Variants in SLC24A3 observed in about 807,000 individuals in gnomAD.
SLC24A3 encodes sodium/potassium/calcium exchanger 3.
In SLC24A3, 28 loss-of-function variants were observed where a neutral mutation model predicts 75.8. That is an observed-to-expected ratio of 0.37 (90% CI 0.27 to 0.51). The LOEUF (loss-of-function observed/expected upper bound fraction) is 0.51, where lower values mean the gene tolerates loss of function less well. SLC24A3 is among the 20% of genes least tolerant of loss of function. The pLI, the probability that SLC24A3 is intolerant of heterozygous loss-of-function variation, is 0.94. For missense variants in SLC24A3, 663 were observed against 847.8 expected (o/e 0.78, Z 2.71); for synonymous variants, 372 against 334.1 (o/e 1.11, Z -1.24).
intron 10 of SLC24A3, among the ~76,000 whole-genome samples, chr20:19,682,973 A>G (rs1427668106): frequency 1.3e-5 from 2 of 152,144 alleles, no homozygotes; most frequent in African/African-American, 4.8e-5. Flanking sequence ...TAATTTTTTA[A>G]ACTTTTCTCT....
At chr20:19,301,764 C>T (rs1442536299) in intron 2 of SLC24A3, among the ~76,000 whole-genome samples, 1 of 152,152 alleles carries the variant, frequency 6.6e-6, no homozygotes, top group Non-Finnish European at 1.5e-5. Flanking sequence ...CATCTCCCTT[C>T]TAGTTACCTT....
At chr20:19,399,074 G>T (rs1233258993) in intron 2 of SLC24A3, among the ~76,000 whole-genome samples, 1 of 152,058 alleles carries the variant, frequency 6.6e-6, no homozygotes, top group Non-Finnish European at 1.5e-5. Flanking sequence ...ATTGACATAA[G>T]GTTGTTGAAA....
chr20:19,293,788 T>C (rs1436621513), intron 2 of SLC24A3, among the ~76,000 whole-genome samples: 2 of 152,152 alleles, frequency 1.3e-5, no homozygotes, highest in Non-Finnish European at 2.9e-5. Flanking sequence ...ATAGAATTAC[T>C]GTCCCATCAA....
chr20:19,416,618 T>C (rs1986831888), intron 2 of SLC24A3, among the ~76,000 whole-genome samples: 1 of 152,144 alleles, frequency 6.6e-6, no homozygotes, highest in South Asian at 2.1e-4. Flanking sequence ...TTGTTTGGAG[T>C]AAATTGATAT....
At chr20:19,439,434 G>T (rs1380257533) in intron 2 of SLC24A3, among the ~76,000 whole-genome samples, 1 of 151,916 alleles carries the variant, frequency 6.6e-6, no homozygotes, top group African/African-American at 2.4e-5. Context: ...GCCCTTCCTC[G>T]CCAAAAAACA....
At chr20:19,452,696 A>G (rs2122484378) in intron 2 of SLC24A3, among the ~76,000 whole-genome samples, 1 of 152,094 alleles carries the variant, frequency 6.6e-6, no homozygotes, top group Middle Eastern at 3.4e-3. Context: ...GTATATTAGC[A>G]ACTGATTGAA....
intron 3 of SLC24A3, among the ~76,000 whole-genome samples, chr20:19,525,762 C>T (rs1600266094): frequency 2.0e-5 from 3 of 152,144 alleles, no homozygotes; most frequent in African/African-American, 4.8e-5. Flanking sequence ...CCAGCTGGGC[C>T]GCTCAAAGAG....
chr20:19,246,171 G>T (rs941079872), intron 1 of SLC24A3, among the ~76,000 whole-genome samples: 1 of 152,114 alleles, frequency 6.6e-6, no homozygotes, highest in African/African-American at 2.4e-5. Flanking sequence ...ATAGCCTTAT[G>T]TTGAATATTG....
chr20:19,484,681 C>T (rs148239430), intron 2 of SLC24A3, among the ~76,000 whole-genome samples: 210 of 152,066 alleles, frequency 1.4e-3, no homozygotes, highest in African/African-American at 4.8e-3. Flanking sequence ...TGTCAGGGTC[C>T]GGGGGGAGGC....
chr20:19,573,444 A>G (rs540804304), intron 3 of SLC24A3, among the ~76,000 whole-genome samples: 5 of 152,336 alleles, frequency 3.3e-5, no homozygotes, highest in South Asian at 2.1e-4. Context: ...TTCTCCTTGC[A>G]CTACCTCTAC....
intron 3 of SLC24A3, among the ~76,000 whole-genome samples, chr20:19,564,596 A>G (rs2030926752): frequency 6.6e-6 from 1 of 152,182 alleles, no homozygotes. Flanking sequence ...AAGACAGATA[A>G]CCTGAACTTA....
intron 1 of SLC24A3, among the ~76,000 whole-genome samples, chr20:19,252,626 G>T (rs1982692174): frequency 7.2e-6 from 1 of 137,978 alleles, no homozygotes; most frequent in Non-Finnish European, 1.5e-5. Context: ...AAAACAAAAA[G>T]CCTGAAATTG....
At chr20:19,304,335 G>C (rs77607562) in intron 2 of SLC24A3, among the ~76,000 whole-genome samples, 4,317 of 152,134 alleles carry the variant, frequency 0.028, 205 homozygotes, top group African/African-American at 0.097. Flanking sequence ...GGCAATTTGC[G>C]TAACTTCTCG....
At chr20:19,343,069 C>CA (rs5840837) in intron 2 of SLC24A3, among the ~76,000 whole-genome samples, 26,291 of 72,136 alleles carry the variant, frequency 0.36, 3,625 homozygotes, top group Middle Eastern at 0.47. Flanking sequence ...GACTCCATCT[C>CA]AAAAAAAAAA....
chr20:19,509,614 C>T (rs773282118), intron 2 of SLC24A3, among the ~76,000 whole-genome samples: 1 of 152,248 alleles, frequency 6.6e-6, no homozygotes, highest in Non-Finnish European at 1.5e-5. Context: ...GTTGCAGTCT[C>T]CAGGAGGAAA....
chr20:19,711,432 A>T (rs2032991098), intron 15 of SLC24A3, among the ~76,000 whole-genome samples: 1 of 151,712 alleles, frequency 6.6e-6, no homozygotes, highest in Admixed American at 6.6e-5. Flanking sequence ...ACACATGCAA[A>T]CACATGCAGG....
chr20:19,325,581 T>C (rs1241725014), intron 2 of SLC24A3, among the ~76,000 whole-genome samples: 1 of 151,520 alleles, frequency 6.6e-6, no homozygotes, highest in Non-Finnish European at 1.5e-5. Flanking sequence ...ACCACCTTCA[T>C]GGGAGAGGAG....
chr20:19,621,213 T>A (rs974064223), intron 6 of SLC24A3, among the ~76,000 whole-genome samples: 1 of 152,192 alleles, frequency 6.6e-6, no homozygotes, highest in Non-Finnish European at 1.5e-5. Flanking sequence ...TGCCTTCCTC[T>A]TTGTGCAGCA....
intron 2 of SLC24A3, among the ~76,000 whole-genome samples, chr20:19,460,837 G>T (rs1331671744): frequency 6.6e-6 from 1 of 152,004 alleles, no homozygotes; most frequent in Non-Finnish European, 1.5e-5. Flanking sequence ...TAAGTTACAG[G>T]AAAAAAAGAA....
Sources: allele counts gnomAD v4.1 joint callset (sites outside exome capture counted in the v4.1 genomes callset), GRCh38; gene constraint gnomAD v4.1.1; transcripts MANE v1.5; gene names NCBI Gene and HGNC (gene_info 2026-07-23, HGNC 2026-07-21).